Variants in SDK2 observed in about 807,000 individuals in gnomAD.
SDK2 encodes the protein protein sidekick-2.
In SDK2, 105 loss-of-function variants were observed where a neutral mutation model predicts 253.9. The ratio of observed to expected loss-of-function variants is 0.41; its 90% confidence interval spans 0.35 to 0.49. The LOEUF (loss-of-function observed/expected upper bound fraction) is 0.49, where lower values mean the gene tolerates loss of function less well. Ranked by LOEUF, SDK2 falls within the 20% of genes least tolerant of loss-of-function variation. The pLI is 0.06. For missense variants in SDK2, 2,608 were observed against 3,003.0 expected, an observed-to-expected ratio of 0.87 and a Z score of 3.07; for synonymous variants, 1,249 against 1,234.9, an observed-to-expected ratio of 1.01 and a Z score of -0.24.
chr17:73,408,400 AT>A lies in SDK2; in HGVS notation c.2484+6243del, dbSNP rs1295134933. ...GCCTGGCTATTTTTTTTTTTTTAATATTTTTAGTAGAGACGGGGTTTCACCG... is the reference window on the plus strand; with the variant it reads ...GCCTGGCTATTTTTTTTTTTTTAATATTTTAGTAGAGACGGGGTTTCACCG... On this transcript the variant is annotated intron_variant, in intron 18 of 44. Coordinates refer to ENST00000392650, the MANE Select transcript of SDK2 (RefSeq NM_001144952.2). Among the ~76,000 whole-genome samples the A allele has an allele frequency of 5.2e-4, 73 of 141,720 alleles. 1 individual carries two copies. Among genetic ancestry groups the A allele is most frequent in the Admixed American group, 3.1e-3 (45 of 14,400 alleles). 93.0% of individuals were successfully genotyped at this position (141,720 alleles called of 152,430 possible).
chr17:73,469,980 C>CTG (rs1555585089), intron 3 of SDK2, among the ~76,000 whole-genome samples: 25 of 87,662 alleles, frequency 2.9e-4, no homozygotes, highest in East Asian at 4.0e-4. Context: ...GCATTTGCGA[C>CTG]TGCGCGCGCG....
chr17:73,587,424 G>A lies in SDK2; in HGVS notation c.64+56601C>T, dbSNP rs35567455. Among the ~76,000 whole-genome samples, 336 of 152,328 alleles carry A rather than the reference G, an allele frequency of 2.2e-3. 1 individual carries two copies. The highest frequency in any genetic ancestry group is 3.3e-3 in the Non-Finnish European group (225 of 68,040). Reference sequence around the variant, plus strand: ...TACCAACTGGGGCGCCCTCTGGCACGCCTCTGTCCCTGGGTCACTCCAGCA... The same window carrying A: ...TACCAACTGGGGCGCCCTCTGGCACACCTCTGTCCCTGGGTCACTCCAGCA... On this transcript the variant is annotated intron_variant, in intron 1 of 44. Transcript: ENST00000392650.
At position 73,352,192 on chromosome 17, in the gene SDK2, G is replaced by A. The variant is rs755334426; in HGVS notation, c.5758+281C>T. On this transcript the variant is annotated intron_variant, in intron 41 of 44. Coordinates refer to ENST00000392650, the MANE Select transcript of SDK2 (RefSeq NM_001144952.2). This position sits in a 1 kb window ranked among gnomAD's most constrained non-coding sequence, Gnocchi z 4.1. ...TGTCCTGGGTGATGAGTGCATGGAA[G>A]TTTGCATCTTGGGCCCTCTGCTCTG... is the stretch of plus-strand genomic sequence containing the variant. 3.9e-5 allele frequency among the ~76,000 whole-genome samples: 6 copies of A among 152,124 alleles called. No individual in the cohort carries two copies. The highest frequency in any genetic ancestry group is 8.8e-5 in the Non-Finnish European group (6 of 68,006).
At chr17:73,466,507 C>G (rs1054492090) in intron 3 of SDK2, among the ~76,000 whole-genome samples, 20 of 152,290 alleles carry the variant, frequency 1.3e-4, no homozygotes, top group African/African-American at 4.1e-4. Flanking sequence ...TACACCCTGC[C>G]AGGCAGAAGA....
intron 22 of SDK2, among the ~76,000 whole-genome samples, chr17:73,398,936 G>A (rs1221768622): frequency 6.6e-6 from 1 of 152,136 alleles, no homozygotes; most frequent in East Asian, 1.9e-4. Flanking sequence ...ATTTTTCTAG[G>A]CACCCCCCGA....
At chr17:73,366,159 C>T (rs1265002670) in intron 37 of SDK2, among the ~76,000 whole-genome samples, 1 of 152,126 alleles carries the variant, frequency 6.6e-6, no homozygotes, top group Non-Finnish European at 1.5e-5. Flanking sequence ...CGGCTCCAGC[C>T]CCAGGAGGCA....
In SDK2 at chr17:73,395,526, A is replaced by C; in HGVS notation, c.3355-134T>G. 2 of 660,890 alleles carry C rather than the reference A, an allele frequency of 3.0e-6. No individual in the cohort carries two copies. The highest frequency in any genetic ancestry group is 5.3e-6 in the Non-Finnish European group (2 of 380,232). 40.9% of individuals were successfully genotyped at this position (660,890 alleles called of 1,614,324 possible). A position where few individuals can be genotyped will look rare whatever the true frequency, so the allele number is the denominator to read the frequency against. ...CCACTGTCACCCGGTCAGTGTCCAC[A>C]TGAGGCTCTCTCACCCGAGTGTGGC... On this transcript the variant is annotated intron_variant, in intron 24 of 44. Coordinates refer to ENST00000392650, the MANE Select transcript of SDK2 (RefSeq NM_001144952.2). This position sits in a 1 kb window ranked among gnomAD's most constrained non-coding sequence, Gnocchi z 4.3.
chr17:73,507,720 C>G (rs1567812941), intron 1 of SDK2, 123 bp from the exon 2 acceptor site: 9 of 1,071,908 alleles, frequency 8.4e-6, no homozygotes, highest in Non-Finnish European at 1.2e-5. Context: ...TGCCCAAGGT[C>G]CCGTGGCTGG....
chr17:73,455,920 C>G lies in SDK2; in HGVS notation c.465G>C (p.Pro155=). Residue 155 remains proline, a synonymous_variant, in exon 4 of 45, where the codon CCG becomes CCC. Coordinates refer to ENST00000392650, the MANE Select transcript of SDK2 (RefSeq NM_001144952.2). The surrounding 1 kb of genome is among the most constrained non-coding windows in gnomAD (Gnocchi z 5.0). ...GATGCACTCACATGCGGCTGCTGGG[C>G]GGGATCTTGCGGCCGTCCCGGAACC... ...VTWFRDGRKI[P]PSSRIAITLE... 1.3e-6 allele frequency: 2 copies of G among 1,543,880 alleles called. No homozygotes were observed. Among genetic ancestry groups the G allele is most frequent in the South Asian group, 2.4e-5 (2 of 83,920 alleles).
intron 1 of SDK2, among the ~76,000 whole-genome samples, chr17:73,555,762 GC>G (rs2045134126): frequency 2.0e-5 from 3 of 152,196 alleles, no homozygotes; most frequent in Admixed American, 2.0e-4. Context: ...TCCCAAAGCT[GC>G]CGGAGCCACT....
Position 73,469,992 on chromosome 17 carries a change from G to GCGCGCGCGCGCA in SDK2, c.331+2119_331+2120insTGCGCGCGCGCG, listed in dbSNP as rs1328450219. On this transcript the variant is annotated intron_variant, in intron 3 of 44. Transcript: ENST00000392650. ...ATGGCATTTGCGACTGCGCGCGCGC[G>GCGCGCGCGCGCA]CACACACACACACACACACACACAC... is the stretch of plus-strand genomic sequence containing the variant. 7.5e-4 allele frequency among the ~76,000 whole-genome samples: 95 copies of GCGCGCGCGCGCA among 126,260 alleles called. 1 individual carries two copies. Among genetic ancestry groups the GCGCGCGCGCGCA allele is most frequent in the African/African-American group, 2.6e-3 (84 of 32,316 alleles). 82.8% of individuals were successfully genotyped at this position (126,260 alleles called of 152,430 possible). A position where few individuals can be genotyped will look rare whatever the true frequency, so the allele number is the denominator to read the frequency against.
chr17:73,404,494 C>T lies in SDK2; in HGVS notation c.2485-2353G>A, dbSNP rs9944414. Among the ~76,000 whole-genome samples the T allele has an allele frequency of 2.9e-3, 448 of 152,178 alleles. 5 individuals are homozygous for T. Among genetic ancestry groups the T allele is most frequent in the African/African-American group, 0.01 (419 of 41,526 alleles). The stretch of plus-strand genomic sequence containing the variant: ...TGTGCCTGGCCTTATTTAATCATCA[C>T]GATGAGGAGCAGATGGAAATCATTG... On this transcript the variant is annotated intron_variant, in intron 18 of 44. Transcript: ENST00000392650.
chr17:73,589,853 A>G (rs1269311037), intron 1 of SDK2, among the ~76,000 whole-genome samples: 2 of 152,270 alleles, frequency 1.3e-5, no homozygotes, highest in Non-Finnish European at 2.9e-5. Context: ...GCTGAGTGCC[A>G]TTAGCACCTA....
chr17:73,635,405 C>T (rs1467368113), intron 1 of SDK2, among the ~76,000 whole-genome samples: 1 of 152,166 alleles, frequency 6.6e-6, no homozygotes, highest in Non-Finnish European at 1.5e-5. Flanking sequence ...TCATAATTAA[C>T]TCACATTATG....
intron 1 of SDK2, among the ~76,000 whole-genome samples, chr17:73,578,052 A>G (rs1267839489): frequency 2.0e-5 from 3 of 148,262 alleles, no homozygotes; most frequent in South Asian, 2.1e-4. Flanking sequence ...CTTGAGCCCT[A>G]TGGACATCTT....
At position 73,431,982 on chromosome 17, in the gene SDK2, G is replaced by A. The variant is rs1347171091; in HGVS notation, c.1313-313C>T. On this transcript the variant is annotated intron_variant, in intron 10 of 44. Transcript: ENST00000392650. This position sits in a 1 kb window ranked among gnomAD's most constrained non-coding sequence, Gnocchi z 5.6. ...GGGCGCAGTTTCCTGATGACGGTGA[G>A]CAGTAGCCCGGCACAGCCCTCAGAG... 6.6e-6 allele frequency among the ~76,000 whole-genome samples: 1 copy of A among 152,188 alleles called. No individual in the cohort carries two copies. Among genetic ancestry groups the A allele is most frequent in the Admixed American group, 6.5e-5 (1 of 15,286 alleles).
intron 3 of SDK2, among the ~76,000 whole-genome samples, chr17:73,457,024 A>C (rs2063530270): frequency 6.6e-6 from 1 of 152,242 alleles, no homozygotes; most frequent in Non-Finnish European, 1.5e-5. Flanking sequence ...GATCAGAAGC[A>C]GCATTTTAGC....
Position 73,379,452 on chromosome 17 carries a change from C to G in SDK2, c.4860G>C (p.Glu1620Asp), listed in dbSNP as rs983729353. 1.2e-6 allele frequency: 2 copies of G among 1,604,004 alleles called. No individual in the cohort carries two copies. Among genetic ancestry groups the G allele is most frequent in the African/African-American group, 1.3e-5 (1 of 74,794 alleles). ...GACAGGGCGGGCGCTGCTCACCTGCCTCCCCAACAAAGACCTCCTGCGGGG... is the reference window on the plus strand; with the variant it reads ...GACAGGGCGGGCGCTGCTCACCTGCGTCCCCAACAAAGACCTCCTGCGGGG... ...SSPPQEVFVG[E>D]AVPTAAPRNV... Residue 1620 changes from glutamate to aspartate, a missense_variant, in exon 35 of 45, where the codon GAG becomes GAC. Transcript: ENST00000392650. This position sits in a 1 kb window ranked among gnomAD's most constrained non-coding sequence, Gnocchi z 4.5.
chr17:73,594,295 C>G (rs2045724094), intron 1 of SDK2, among the ~76,000 whole-genome samples: 1 of 152,112 alleles, frequency 6.6e-6, no homozygotes, highest in Admixed American at 6.5e-5. Flanking sequence ...CTGGCCTTCC[C>G]CCGGGCAGCA....
Sources: allele counts gnomAD v4.1 joint callset (sites outside exome capture counted in the v4.1 genomes callset), GRCh38; gene constraint gnomAD v4.1.1; non-coding constraint Gnocchi (gnomAD v3.1); transcripts MANE v1.5; gene names NCBI Gene and HGNC (gene_info 2026-07-23, HGNC 2026-07-21).